Variants in ATF7IP observed in about 807,000 individuals in gnomAD.
ATF7IP encodes the protein activating transcription factor 7 interacting protein, also known as activating transcription factor 7-interacting protein 1.
Under a neutral mutation model 106.4 loss-of-function variants are expected in ATF7IP, and 23 were observed. The ratio of observed to expected loss-of-function variants is 0.22; its 90% CI spans 0.16 to 0.31. ATF7IP has a LOEUF of 0.31. Among genes scored for constraint, ATF7IP ranks in the 10% least tolerant of loss-of-function variants. ATF7IP has a pLI of 1.00. For synonymous variants in ATF7IP, 542 were observed against 539.0 expected (o/e 1.01, Z -0.08); for missense variants, 1,334 against 1,524.3 (o/e 0.88, Z 2.08).
At chr12:14,389,385 G>A (rs1939421857) in intron 1 of ATF7IP, among the ~76,000 whole-genome samples, 1 of 152,154 alleles carries the variant, frequency 6.6e-6, no homozygotes, top group Non-Finnish European at 1.5e-5. Context: ...GAATTTAGAG[G>A]AGTAGGAGAA....
At chr12:14,492,663 A>G (rs1207741905) in intron 13 of ATF7IP, among the ~76,000 whole-genome samples, 1 of 152,188 alleles carries the variant, frequency 6.6e-6, no homozygotes, top group African/African-American at 2.4e-5. Flanking sequence ...AGCCAATGCC[A>G]GAGATCTATA....
intron 1 of ATF7IP, among the ~76,000 whole-genome samples, chr12:14,373,299 A>G (rs1044150666): frequency 2.4e-5 from 3 of 124,702 alleles, no homozygotes; most frequent in African/African-American, 5.2e-5. Context: ...TTGTTTAAAG[A>G]TGACACATGT....
chr12:14,496,081 C>A (rs1449731157), intron 13 of ATF7IP, 150 bp from the exon 14 acceptor site: 5 of 548,810 alleles, frequency 9.1e-6, no homozygotes, highest in Middle Eastern at 4.8e-4. Context: ...GATAGCTTGG[C>A]TGAATACGAA....
chr12:14,444,855 G>A (rs1247891459), intron 5 of ATF7IP, among the ~76,000 whole-genome samples: 3 of 152,038 alleles, frequency 2.0e-5, no homozygotes, highest in African/African-American at 7.2e-5. Flanking sequence ...GCTTCCAGCG[G>A]TGACTACTTT....
At chr12:14,374,299 G>A (rs1938645521) in intron 1 of ATF7IP, among the ~76,000 whole-genome samples, 2 of 136,760 alleles carry the variant, frequency 1.5e-5, no homozygotes, top group Admixed American at 7.4e-5. Flanking sequence ...TTTTTGTGGA[G>A]ATGGGGGTCT....
intron 1 of ATF7IP, among the ~76,000 whole-genome samples, chr12:14,366,536 T>C (rs915644054): frequency 6.6e-6 from 1 of 152,212 alleles, no homozygotes; most frequent in African/African-American, 2.4e-5. Flanking sequence ...GAAATCTCAA[T>C]CTGAGGATTA....
intron 1 of ATF7IP, among the ~76,000 whole-genome samples, chr12:14,400,777 C>T (rs7302054): frequency 0.56 from 85,467 of 151,948 alleles, 24,661 homozygotes; most frequent in African/African-American, 0.69. Flanking sequence ...CTCTTCTGCT[C>T]ATGGTACATA....
intron 12 of ATF7IP, 61 bp downstream of exon 12, chr12:14,478,533 G>A: frequency 6.5e-7 from 1 of 1,550,048 alleles, no homozygotes; most frequent in Non-Finnish European, 8.9e-7. Context: ...CTATGACTAT[G>A]GAGTTAAGTG....
chr12:14,441,746 C>T (rs1942718868), intron 5 of ATF7IP, among the ~76,000 whole-genome samples: 1 of 152,152 alleles, frequency 6.6e-6, no homozygotes. Context: ...ACCTCGGCCT[C>T]CCAAAGTGCT....
At chr12:14,390,077 C>T (rs1939462374) in intron 1 of ATF7IP, among the ~76,000 whole-genome samples, 1 of 152,198 alleles carries the variant, frequency 6.6e-6, no homozygotes, top group African/African-American at 2.4e-5. Context: ...CTTCTCTTGC[C>T]CACCTCTGGT....
intron 6 of ATF7IP, 30 bp from the exon 7 acceptor site, chr12:14,456,530 AT>A: frequency 1.3e-6 from 2 of 1,546,092 alleles, no homozygotes. Context: ...GTTGAGTTTT[AT>A]TTTTACCTTG....
intron 13 of ATF7IP, among the ~76,000 whole-genome samples, chr12:14,486,209 A>G (rs1052185398): frequency 6.6e-6 from 1 of 152,206 alleles, no homozygotes; most frequent in Non-Finnish European, 1.5e-5. Flanking sequence ...ATAAAATTCC[A>G]TTAATTATCT....
chr12:14,411,989 A>T (rs991863365), intron 1 of ATF7IP, among the ~76,000 whole-genome samples: 1 of 152,234 alleles, frequency 6.6e-6, no homozygotes, highest in African/African-American at 2.4e-5. Flanking sequence ...CTCCAACTTC[A>T]TTCTTTTGCA....
At chr12:14,401,510 T>C (rs1042363304) in intron 1 of ATF7IP, among the ~76,000 whole-genome samples, 1 of 152,042 alleles carries the variant, frequency 6.6e-6, no homozygotes, top group African/African-American at 2.4e-5. Context: ...CTTTCTTGTT[T>C]GTGATGCTTC....
intron 1 of ATF7IP, among the ~76,000 whole-genome samples, chr12:14,386,172 C>T (rs927164373): frequency 5.9e-5 from 9 of 152,048 alleles, no homozygotes; most frequent in South Asian, 2.1e-4. Context: ...TAATTCAAAC[C>T]TGTAGTATAT....
intron 9 of ATF7IP, 88 bp downstream of exon 9, chr12:14,461,221 G>A (rs1424149486): frequency 3.0e-5 from 34 of 1,142,260 alleles, no homozygotes; most frequent in Non-Finnish European, 2.2e-5. Context: ...AGTGGCTAGC[G>A]TTATTGGAAG....
chr12:14,470,606 T>A (rs1944003553), intron 10 of ATF7IP, among the ~76,000 whole-genome samples: 1 of 152,194 alleles, frequency 6.6e-6, no homozygotes, highest in South Asian at 2.1e-4. Flanking sequence ...TTTGGCAAGT[T>A]ATTGAACACC....
chr12:14,436,015 A>G (rs772593869), intron 3 of ATF7IP, 91 bp from the exon 4 acceptor site: 57 of 1,308,190 alleles, frequency 4.4e-5, no homozygotes, highest in Non-Finnish European at 5.8e-5. Flanking sequence ...GGCTATTATG[A>G]TAGAAATAAT....
intron 2 of ATF7IP, among the ~76,000 whole-genome samples, chr12:14,431,417 T>C (rs1187025007): frequency 1.3e-5 from 2 of 150,382 alleles, no homozygotes; most frequent in African/African-American, 4.9e-5. Flanking sequence ...TTTTTTGAGA[T>C]GGCGTCTCGC....
Sources: allele counts gnomAD v4.1 joint callset (sites outside exome capture counted in the v4.1 genomes callset), GRCh38; gene constraint gnomAD v4.1.1; transcripts MANE v1.5; gene names NCBI Gene and HGNC (gene_info 2026-07-23, HGNC 2026-07-21).